TMEM243: variants seen among roughly 807,000 people sequenced by gnomAD.
TMEM243 encodes transmembrane protein 243, also known as MDR1 and mitochondrial taxol resistance associated.
Under a neutral mutation model 15.0 loss-of-function variants are expected in TMEM243, and 20 were observed. The observed-to-expected ratio is 1.33, with a 90% CI of 0.94 to 1.93. TMEM243 has a LOEUF of 1.93. Among genes scored for constraint, TMEM243 ranks in the 30% most tolerant of loss-of-function variants. The probability of loss-of-function intolerance (pLI) is 0.00; values close to 1 mark genes in which losing one functional copy is unlikely to be tolerated. For synonymous variants in TMEM243, 72 were observed against 52.7 expected (o/e 1.37, Z -1.59); for missense variants, 156 against 142.1 (o/e 1.10, Z -0.50).
intron 3 of TMEM243, among the ~76,000 whole-genome samples, chr7:87,197,447 A>C (rs1801388627): frequency 6.6e-6 from 1 of 152,060 alleles, no homozygotes; most frequent in East Asian, 1.9e-4. Flanking sequence ...AGTAAATCAA[A>C]CATTTTTACA....
chr7:87,207,785 A>G (rs1217159524), intron 1 of TMEM243, among the ~76,000 whole-genome samples: 4 of 152,164 alleles, frequency 2.6e-5, no homozygotes, highest in Non-Finnish European at 5.9e-5. Flanking sequence ...AGGGAGTCCT[A>G]TAGACCCACA....
At chr7:87,211,468 A>C (rs1200990915) in intron 1 of TMEM243, among the ~76,000 whole-genome samples, 2 of 152,196 alleles carry the variant, frequency 1.3e-5, no homozygotes, top group Non-Finnish European at 2.9e-5. Context: ...TTTTGCCTCC[A>C]AAGTTCTGCA....
At position 87,219,665 on chromosome 7, in the gene TMEM243, G is replaced by A. The variant is rs948691633; in HGVS notation, c.-162C>T. On this transcript the variant is annotated 5_prime_UTR_variant, in exon 1 of 4. Coordinates refer to ENST00000257637, the MANE Select transcript of TMEM243 (RefSeq NM_024315.4). ...GCCAGGGATGGGTGGGGGCTCACAC[G>A]CGGGGAACGCGACTGCTCCGCCCCG... 9.5e-6 allele frequency: 6 copies of A among 633,052 alleles called. No individual in the cohort carries two copies. Among genetic ancestry groups the A allele is most frequent in the African/African-American group, 9.2e-5 (5 of 54,384 alleles). The allele number at this position is 633,052 out of a possible 1,614,324, so 39.2% of individuals were successfully genotyped here.
At chr7:87,198,077 C>A (rs751322592) in intron 2 of TMEM243, 32 bp from the exon 3 acceptor site, 1 of 1,571,470 alleles carries the variant, frequency 6.4e-7, no homozygotes, top group East Asian at 2.3e-5. Flanking sequence ...AAGGCCTTAA[C>A]AGTAATTCCA....
chr7:87,200,147 T>G (rs183269743), intron 1 of TMEM243, among the ~76,000 whole-genome samples: 200 of 151,276 alleles, frequency 1.3e-3, no homozygotes, highest in African/African-American at 4.6e-3. Flanking sequence ...AGGGAAAGAG[T>G]AAGAAAGCCA....
intron 2 of TMEM243, 72 bp from the exon 3 acceptor site, chr7:87,198,117 G>T: frequency 7.9e-7 from 1 of 1,263,132 alleles, no homozygotes; most frequent in Non-Finnish European, 1.1e-6. Flanking sequence ...TGGAGTCTAG[G>T]CAACAGTACT....
chr7:87,219,550 A>G lies in TMEM243; in HGVS notation c.-47T>C. ...CCAAGCCACTTAAAAGCAAGACAGC[A>G]TGACCTCCCGAGGTCTCAGGTCCAC... On this transcript the variant is annotated 5_prime_UTR_variant, in exon 1 of 4. The change abolishes an upstream ATG in the 5' untranslated region. Transcript: ENST00000257637. 1 of 1,565,194 alleles carries G rather than the reference A, an allele frequency of 6.4e-7. No individual in the cohort carries two copies. Among genetic ancestry groups the G allele is most frequent in the Non-Finnish European group, 8.8e-7 (1 of 1,136,892 alleles).
chr7:87,208,044 T>C (rs1802353031), intron 1 of TMEM243, among the ~76,000 whole-genome samples: 1 of 152,170 alleles, frequency 6.6e-6, no homozygotes, highest in South Asian at 2.1e-4. Context: ...ATGGGAATTA[T>C]GGGAGCTACA....
rs556903774 is a variant in TMEM243, at chr7:87,216,236, T to C, written c.78+3190A>G. On this transcript the variant is annotated intron_variant, in intron 1 of 3. Transcript: ENST00000257637. ...TTGCAGTGAGCCGAGATTGCACCAC[T>C]GCACTCCAGCCTGGGCAACAGAGTG... is the stretch of plus-strand genomic sequence containing the variant. Among the ~76,000 whole-genome samples, 20 of 138,292 alleles carry C rather than the reference T, an allele frequency of 1.4e-4. No individual in the cohort carries two copies. The South Asian group carries it at 3.8e-3, about 26-fold the overall frequency. The allele number at this position is 138,292 out of a possible 152,430, so 90.7% of individuals were successfully genotyped here.
Position 87,219,644 on chromosome 7 carries a change from G to A in TMEM243, c.-141C>T. 1 of 698,932 alleles carries A rather than the reference G, an allele frequency of 1.4e-6. No homozygotes were observed. The allele number at this position is 698,932 out of a possible 1,614,324, so 43.3% of individuals were successfully genotyped here. ...AGTGGTCGGGGAAGCGCTGGCGCCA[G>A]GGATGGGTGGGGGCTCACACGCGGG... On this transcript the variant is annotated 5_prime_UTR_variant, in exon 1 of 4. Transcript: ENST00000257637.
chr7:87,205,664 A>ATCTT (rs1416442236), intron 1 of TMEM243, among the ~76,000 whole-genome samples: 1 of 152,130 alleles, frequency 6.6e-6, no homozygotes, highest in African/African-American at 2.4e-5. Context: ...CTTCATCTCC[A>ATCTT]TCTGAGACCA....
At chr7:87,203,938 G>C (rs143131890) in intron 1 of TMEM243, among the ~76,000 whole-genome samples, 1 of 152,098 alleles carries the variant, frequency 6.6e-6, no homozygotes. Context: ...TCCCAATTTT[G>C]ACTACTCATC....
chr7:87,209,984 GAGAC>G (rs1222775894), intron 1 of TMEM243, among the ~76,000 whole-genome samples: 2 of 113,852 alleles, frequency 1.8e-5, no homozygotes, highest in Non-Finnish European at 3.7e-5. Flanking sequence ...GACAGAGAGA[GAGAC>G]AGAGGAGAGG....
chr7:87,209,170 G>C (rs1288881583), intron 1 of TMEM243, among the ~76,000 whole-genome samples: 1 of 152,198 alleles, frequency 6.6e-6, no homozygotes, highest in Non-Finnish European at 1.5e-5. Context: ...AGAACTACCT[G>C]AGACTGGGTA....
intron 1 of TMEM243, among the ~76,000 whole-genome samples, chr7:87,203,543 A>G (rs954040742): frequency 2.0e-5 from 3 of 151,928 alleles, no homozygotes; most frequent in African/African-American, 7.3e-5. Flanking sequence ...TGAGTCCAGG[A>G]GGTCAAGAGT....
chr7:87,217,719 A>G (rs1317868877), intron 1 of TMEM243, among the ~76,000 whole-genome samples: 2 of 152,266 alleles, frequency 1.3e-5, no homozygotes, highest in Non-Finnish European at 2.9e-5. Context: ...ACAATGCCCT[A>G]AAGTTTCCTA....
chr7:87,203,527 A>G (rs556779953), intron 1 of TMEM243, among the ~76,000 whole-genome samples: 5 of 152,082 alleles, frequency 3.3e-5, no homozygotes, highest in African/African-American at 1.2e-4. Flanking sequence ...AGGTGGGAGG[A>G]TCACTTGAGT....
intron 1 of TMEM243, among the ~76,000 whole-genome samples, chr7:87,215,189 G>C (rs191723239): frequency 3.7e-4 from 56 of 152,288 alleles, no homozygotes; most frequent in Non-Finnish European, 1.6e-4. Context: ...GTTTGAGATA[G>C]AGTCTTGTTC....
chr7:87,209,443 TGA>T (rs1802454118), intron 1 of TMEM243, among the ~76,000 whole-genome samples: 1 of 146,542 alleles, frequency 6.8e-6, no homozygotes, highest in African/African-American at 2.5e-5. Flanking sequence ...AGACAGAGAT[TGA>T]GACAGTGAGA....
Sources: gnomAD v4.1 joint callset for allele counts (sites outside exome capture counted in the v4.1 genomes callset) on GRCh38, gnomAD v4.1.1 for gene constraint, MANE v1.5 for transcripts, NCBI Gene and HGNC (gene_info 2026-07-23, HGNC 2026-07-21) for gene names.